The following PPA1 variants were observed in gnomAD, a reference collection of about 807,000 sequenced individuals.
PPA1 encodes the protein inorganic pyrophosphatase 1.
Under a neutral mutation model 41.8 loss-of-function variants are expected in PPA1, and 23 were observed. The observed-to-expected ratio is 0.55, with a 90% CI of 0.40 to 0.78. PPA1 has a LOEUF of 0.78. Among genes scored for constraint, PPA1 ranks in the 30% least tolerant of loss-of-function variants. PPA1 has a pLI of 0.00. For synonymous variants in PPA1, 101 were observed against 116.8 expected (o/e 0.86, Z 0.87); for missense variants, 320 against 361.6 (o/e 0.89, Z 0.93).
At chr10:70,217,230 C>G (rs976413206) in intron 4 of PPA1, among the ~76,000 whole-genome samples, 1 of 151,544 alleles carries the variant, frequency 6.6e-6, no homozygotes, top group Non-Finnish European at 1.5e-5. Flanking sequence ...CATTACTTTA[C>G]CACAAAGAGC....
At chr10:70,216,620 T>C (rs185231900) in intron 4 of PPA1, among the ~76,000 whole-genome samples, 1 of 152,348 alleles carries the variant, frequency 6.6e-6, no homozygotes, top group East Asian at 1.9e-4. Flanking sequence ...TGTTTCATAG[T>C]ACGTTCCATT....
intron 8 of PPA1, among the ~76,000 whole-genome samples, chr10:70,206,892 GAGGGGAGGAGAGGAC>G (rs1224941530): frequency 4.2e-4 from 44 of 105,664 alleles, no homozygotes; most frequent in African/African-American, 1.0e-3. Context: ...GAGGGGAGGG[GAGGGGAGGAGAGGAC>G]GAAAGAAACT....
Position 70,203,016 on chromosome 10 carries a change from T to C in PPA1, c.*139A>G, listed in dbSNP as rs912772882. The C allele has an allele frequency of 2.3e-5, 19 of 819,496 alleles. No homozygotes were observed. The highest frequency in any genetic ancestry group is 2.1e-4 in the African/African-American group (12 of 58,252). 50.8% of individuals were successfully genotyped at this position (819,496 alleles called of 1,614,324 possible). On this transcript the variant is annotated 3_prime_UTR_variant, in exon 11 of 11. Coordinates refer to ENST00000373232, the MANE Select transcript of PPA1 (RefSeq NM_021129.4). ...TTAGATGGATAACATTCTGAGTATA[T>C]TGGATTAGTCACAGCAGAATTTACT...
At position 70,224,246 on chromosome 10, in the gene PPA1, CAAA is replaced by C. The variant is rs58480019; in HGVS notation, c.124-5432_124-5430del. Among the ~76,000 whole-genome samples, 129 of 69,464 alleles carry C rather than the reference CAAA, an allele frequency of 1.9e-3. 1 individual carries two copies. The highest frequency in any genetic ancestry group is 7.0e-3 in the African/African-American group (127 of 18,220). The allele number at this position is 69,464 out of a possible 152,430, so 45.6% of individuals were successfully genotyped here. A position where few individuals can be genotyped will look rare whatever the true frequency, so the allele number is the denominator to read the frequency against. On this transcript the variant is annotated intron_variant, in intron 2 of 10. Coordinates refer to ENST00000373232, the MANE Select transcript of PPA1 (RefSeq NM_021129.4). Reference sequence around the variant, plus strand: ...GCAACATAGACAGACCCTGTCTCTACAAAAAAAAAAAAAAAAAAAAGTCTATTT... The same window carrying C: ...GCAACATAGACAGACCCTGTCTCTACAAAAAAAAAAAAAAAAAGTCTATTT...
intron 1 of PPA1, among the ~76,000 whole-genome samples, chr10:70,231,937 C>G (rs1840293651): frequency 6.6e-6 from 1 of 152,222 alleles, no homozygotes; most frequent in Non-Finnish European, 1.5e-5. Flanking sequence ...CACCTTCAAA[C>G]CAGACAGTCA....
intron 1 of PPA1, among the ~76,000 whole-genome samples, chr10:70,232,670 GA>G (rs1187396724): frequency 6.6e-6 from 1 of 152,172 alleles, no homozygotes; most frequent in Admixed American, 6.5e-5. Context: ...GGCGCTGAGG[GA>G]AAACAGGCGG....
At chr10:70,207,600 C>T (rs532317053) in intron 8 of PPA1, among the ~76,000 whole-genome samples, 5 of 152,132 alleles carry the variant, frequency 3.3e-5, no homozygotes, top group African/African-American at 2.4e-5. Flanking sequence ...TTTGAGGTTA[C>T]AGTGAGCTAT....
chr10:70,219,537 C>T (rs1352336306), intron 2 of PPA1, among the ~76,000 whole-genome samples: 1 of 152,188 alleles, frequency 6.6e-6, no homozygotes, highest in African/African-American at 2.4e-5. Context: ...GTTTTAGCAT[C>T]AAACAAAACT....
intron 6 of PPA1, 128 bp downstream of exon 6, chr10:70,213,335 T>C (rs970922884): frequency 1.9e-5 from 21 of 1,107,040 alleles, no homozygotes; most frequent in Admixed American, 1.3e-4. Flanking sequence ...ATAATGCTTG[T>C]CCAGTGCTTT....
At chr10:70,220,420 TTGTG>T (rs746492730) in intron 2 of PPA1, among the ~76,000 whole-genome samples, 3 of 136,854 alleles carry the variant, frequency 2.2e-5, no homozygotes, top group South Asian at 2.2e-4. Flanking sequence ...ATCCAGCTAA[TTGTG>T]TGTGTGTGTA....
At chr10:70,218,186 A>G (rs1436428027) in intron 3 of PPA1, among the ~76,000 whole-genome samples, 1 of 152,248 alleles carries the variant, frequency 6.6e-6, no homozygotes, top group African/African-American at 2.4e-5. Flanking sequence ...GACTAAAATT[A>G]GCTGGAATAA....
intron 2 of PPA1, among the ~76,000 whole-genome samples, chr10:70,228,392 T>A (rs752411353): frequency 3.3e-5 from 5 of 152,218 alleles, no homozygotes; most frequent in Non-Finnish European, 5.9e-5. Flanking sequence ...AATAGCTCTA[T>A]GTCAAGAAAA....
chr10:70,216,687 C>T (rs1336692723), intron 4 of PPA1, among the ~76,000 whole-genome samples: 1 of 152,072 alleles, frequency 6.6e-6, no homozygotes, highest in African/African-American at 2.4e-5. Flanking sequence ...AAAAATTAAA[C>T]TGAATATTTA....
At chr10:70,227,503 T>C (rs544555512) in intron 2 of PPA1, among the ~76,000 whole-genome samples, 1 of 152,024 alleles carries the variant, frequency 6.6e-6, no homozygotes, top group African/African-American at 2.4e-5. Flanking sequence ...ATAGAAAAAT[T>C]AGCTGGGCGT....
At chr10:70,215,324 A>G (rs1410310396) in intron 4 of PPA1, among the ~76,000 whole-genome samples, 1 of 152,186 alleles carries the variant, frequency 6.6e-6, no homozygotes, top group Non-Finnish European at 1.5e-5. Context: ...TCCTGGGCTC[A>G]AGTGATCCTC....
At chr10:70,217,078 C>G (rs1005986374) in intron 4 of PPA1, among the ~76,000 whole-genome samples, 3 of 151,752 alleles carry the variant, frequency 2.0e-5, no homozygotes, top group African/African-American at 7.3e-5. Flanking sequence ...ATGGCGTGAA[C>G]CTGGGAGACG....
intron 8 of PPA1, 123 bp from the exon 9 acceptor site, chr10:70,206,456 T>A: frequency 4.4e-6 from 3 of 681,790 alleles, no homozygotes; most frequent in Non-Finnish European, 7.9e-6. Flanking sequence ...GAAAGCTTTT[T>A]CACCTACATT....
chr10:70,214,684 T>G, intron 4 of PPA1, 98 bp from the exon 5 acceptor site: 1 of 931,336 alleles, frequency 1.1e-6, no homozygotes, highest in Non-Finnish European at 1.6e-6. Flanking sequence ...TCAGCTACTT[T>G]TTTCTCATTG....
At chr10:70,217,257 G>A (rs573689788) in intron 4 of PPA1, among the ~76,000 whole-genome samples, 14 of 152,064 alleles carry the variant, frequency 9.2e-5, no homozygotes, top group Non-Finnish European at 1.3e-4. Flanking sequence ...TGAAGAAGAG[G>A]GAATCAAAAC....
Sources: gnomAD v4.1 joint callset for allele counts (sites outside exome capture counted in the v4.1 genomes callset) on GRCh38, gnomAD v4.1.1 for gene constraint, MANE v1.5 for transcripts, NCBI Gene and HGNC (gene_info 2026-07-23, HGNC 2026-07-21) for gene names.